Variants in GPLD1 observed in about 807,000 individuals in gnomAD.
The protein encoded by GPLD1 is glycosylphosphatidylinositol specific phospholipase D1, also known as phosphatidylinositol-glycan-specific phospholipase D.
In GPLD1, 84 loss-of-function variants were observed where a neutral mutation model predicts 112.6. The observed-to-expected ratio is 0.75, with a 90% CI of 0.63 to 0.89. The LOEUF (loss-of-function observed/expected upper bound fraction) is 0.89. Ranked by LOEUF, GPLD1 falls within the 40% of genes least tolerant of loss-of-function variation. GPLD1 has a pLI of 0.00. For synonymous variants in GPLD1, 386 were observed against 403.8 expected, an observed-to-expected ratio of 0.96 and a Z score of 0.53; for missense variants, 1,044 against 1,051.5, an observed-to-expected ratio of 0.99 and a Z score of 0.10.
chr6:24,431,794 CA>C (rs756213575), intron 24 of GPLD1, among the ~76,000 whole-genome samples: 1 of 152,014 alleles, frequency 6.6e-6, no homozygotes, highest in Non-Finnish European at 1.5e-5. Context: ...CTCGGCTTCT[CA>C]AAGTGCTGGG....
At chr6:24,456,973 C>A (rs1763289804) in intron 12 of GPLD1, among the ~76,000 whole-genome samples, 3 of 152,164 alleles carry the variant, frequency 2.0e-5, no homozygotes, top group African/African-American at 7.2e-5. Flanking sequence ...TGGGTTCAAG[C>A]AATTCTCCTG....
rs778060726 is a variant in GPLD1, at chr6:24,446,932, C to T, written c.1726G>A (p.Asp576Asn). Residue 576 changes from aspartate (D) to asparagine (N), a missense_variant, in exon 18 of 25, where the codon GAC becomes AAC. Coordinates refer to ENST00000230036, the MANE Select transcript of GPLD1 (RefSeq NM_001503.4). ...AGGGAATATCCAAACCAGGAGAAGT[C>T]TTCCTCGCCTCTCACCGTCCAGTTG... is the stretch of plus-strand genomic sequence containing the variant. ...AANWTVRGEE[D>N]FSWFGYSLHG... 2 of 1,613,920 alleles carry T rather than the reference C, an allele frequency of 1.2e-6. No homozygotes were observed. Among genetic ancestry groups the T allele is most frequent in the South Asian group, 2.2e-5 (2 of 91,032 alleles).
At chr6:24,457,874 A>G (rs577576623) in intron 12 of GPLD1, among the ~76,000 whole-genome samples, 44 of 150,012 alleles carry the variant, frequency 2.9e-4, no homozygotes, top group Admixed American at 2.8e-3. Context: ...CTCCATCTCA[A>G]AAAAAAAAAA....
At chr6:24,469,379 C>T (rs1451032588) in intron 7 of GPLD1, among the ~76,000 whole-genome samples, 1 of 125,874 alleles carries the variant, frequency 7.9e-6, no homozygotes, top group Non-Finnish European at 1.6e-5. Context: ...GAACCAACCC[C>T]AATGTCCAAC....
chr6:24,478,712 T>C (rs1029466107), intron 3 of GPLD1, among the ~76,000 whole-genome samples: 4 of 150,100 alleles, frequency 2.7e-5, no homozygotes, highest in African/African-American at 7.4e-5. Flanking sequence ...GGGCTGGCTG[T>C]GCCCCTTAGC....
intron 12 of GPLD1, among the ~76,000 whole-genome samples, chr6:24,457,515 G>C (rs577539137): frequency 1.3e-5 from 2 of 152,170 alleles, no homozygotes; most frequent in South Asian, 2.1e-4. Context: ...TTTCAATGCA[G>C]AACTTTAATT....
intron 14 of GPLD1, among the ~76,000 whole-genome samples, chr6:24,452,773 CAAA>C (rs57715891): frequency 3.7e-5 from 5 of 136,454 alleles, no homozygotes; most frequent in Admixed American, 7.4e-5. Flanking sequence ...GAGTTTATCT[CAAA>C]AAAAAAAAAA....
intron 14 of GPLD1, among the ~76,000 whole-genome samples, chr6:24,450,955 G>A (rs2127337723): frequency 6.6e-6 from 1 of 152,260 alleles, no homozygotes; most frequent in South Asian, 2.1e-4. Flanking sequence ...CTGGGCAACA[G>A]AAGTGAAACT....
chr6:24,482,735 G>T (rs1383962956), intron 2 of GPLD1, among the ~76,000 whole-genome samples: 1 of 149,866 alleles, frequency 6.7e-6, no homozygotes. Context: ...GAGGTCAGCG[G>T]ATCTCTTCAG....
intron 15 of GPLD1, among the ~76,000 whole-genome samples, chr6:24,448,845 CTT>C (rs1467930796): frequency 6.6e-6 from 1 of 152,124 alleles, no homozygotes; most frequent in African/African-American, 2.4e-5. Context: ...ATCAGTTCCT[CTT>C]ATAACTTGCC....
At position 24,435,103 on chromosome 6, in the gene GPLD1, C is replaced by T. The variant is rs1762527460; in HGVS notation, c.2358+1473G>A. 2.0e-5 allele frequency among the ~76,000 whole-genome samples: 3 copies of T among 151,416 alleles called. No individual in the cohort carries two copies. The South Asian group carries it at 6.3e-4, about 32-fold the overall frequency. The stretch of plus-strand genomic sequence containing the variant: ...CTCGACTCACTGCAAGCTCCGCCTC[C>T]CGGGTTCACGCCATTCTCCTGCCTC... On this transcript the variant is annotated intron_variant, in intron 22 of 24. Transcript: ENST00000230036.
upstream of GPLD1, among the ~76,000 whole-genome samples, chr6:24,493,517 AAAC>A (rs1324073178): frequency 6.6e-6 from 1 of 152,022 alleles, no homozygotes; most frequent in Non-Finnish European, 1.5e-5. Context: ...CCACCACCAA[AAAC>A]AAAACAAAAC....
chr6:24,452,818 T>C (rs1763134474), intron 14 of GPLD1, among the ~76,000 whole-genome samples: 1 of 151,924 alleles, frequency 6.6e-6, no homozygotes, highest in African/African-American at 2.4e-5. Flanking sequence ...CCATCTTATT[T>C]TCTCTTCACA....
rs571950471 is a variant in GPLD1 at position 24,462,667 on chromosome 6, C to T, written c.887+63G>A. The T allele has an allele frequency of 8.4e-5, 87 of 1,040,802 alleles. No homozygotes were observed. In the Admixed American group the frequency reaches 1.5e-3, roughly 17 times the overall value. The allele number at this position is 1,040,802 out of a possible 1,614,324, so 64.5% of individuals were successfully genotyped here. A position where few individuals can be genotyped will look rare whatever the true frequency, so the allele number is the denominator to read the frequency against. ...TCAACAGATCCCGTGTTCTCAACCT[C>T]TATAGGGCATCTCCTCCAGGTGAGA... On this transcript the variant is annotated intron_variant, in intron 11 of 24. Transcript: ENST00000230036.
intron 12 of GPLD1, among the ~76,000 whole-genome samples, chr6:24,459,053 C>T (rs992594227): frequency 6.6e-5 from 10 of 152,122 alleles, no homozygotes; most frequent in African/African-American, 2.4e-4. Flanking sequence ...CATAGTAACT[C>T]ATATTCCTTG....
At chr6:24,459,582 C>T (rs765551915) in intron 12 of GPLD1, among the ~76,000 whole-genome samples, 7 of 152,174 alleles carry the variant, frequency 4.6e-5, no homozygotes, top group Non-Finnish European at 4.4e-5. Flanking sequence ...GATGCACTTA[C>T]CGCACCATGG....
intron 3 of GPLD1, among the ~76,000 whole-genome samples, chr6:24,477,616 G>C (rs926091639): frequency 6.6e-6 from 1 of 152,050 alleles, no homozygotes; most frequent in Non-Finnish European, 1.5e-5. Flanking sequence ...TATAGTCTCA[G>C]CTACTCAGAA....
intron 14 of GPLD1, among the ~76,000 whole-genome samples, chr6:24,450,862 C>G (rs1307711450): frequency 6.6e-6 from 1 of 151,990 alleles, no homozygotes; most frequent in Non-Finnish European, 1.5e-5. Flanking sequence ...ATTCCAGCTA[C>G]TCAGGAGGCT....
chr6:24,439,810 A>G (rs1762689389), intron 20 of GPLD1, among the ~76,000 whole-genome samples: 1 of 152,268 alleles, frequency 6.6e-6, no homozygotes, highest in African/African-American at 2.4e-5. Flanking sequence ...GAATGCTACT[A>G]TAACACAGAA....
Sources: allele counts gnomAD v4.1 joint callset (sites outside exome capture counted in the v4.1 genomes callset), GRCh38; gene constraint gnomAD v4.1.1; transcripts MANE v1.5; gene names NCBI Gene and HGNC (gene_info 2026-07-23, HGNC 2026-07-21).